SMYD4: variants seen among roughly 807,000 people sequenced by gnomAD.
SMYD4 encodes SET and MYND domain containing 4.
A neutral mutation model predicts 72.8 loss-of-function variants in SMYD4; 68 were observed. That is an observed-to-expected ratio of 0.93 (90% CI 0.77 to 1.14). The LOEUF (loss-of-function observed/expected upper bound fraction) is 1.14. Ranked by LOEUF, SMYD4 falls within the 50% of genes most tolerant of loss-of-function variation. The probability of loss-of-function intolerance (pLI) is 0.00; values close to 1 mark genes in which losing one functional copy is unlikely to be tolerated. For synonymous variants in SMYD4, 407 were observed against 388.6 expected, an observed-to-expected ratio of 1.05 and a Z score of -0.56; for missense variants, 984 against 1,003.7, an observed-to-expected ratio of 0.98 and a Z score of 0.27.
Position 1,799,867 on chromosome 17 carries a change from T to C in SMYD4, c.1527A>G (p.Ile509Met), listed in dbSNP as rs150834872. The change falls in exon 5 of 11, where the codon ATA (isoleucine) becomes ATG (methionine). Residue 509 changes from isoleucine (I) to methionine (M), a missense_variant. Coordinates refer to ENST00000305513, the MANE Select transcript of SMYD4 (RefSeq NM_052928.3). ...CAGGTTCCCTCTTACCTGTGTGTTGTATGGTGGTCATCGCCTGAGCGTTAC... is the reference window on the plus strand; with the variant it reads ...CAGGTTCCCTCTTACCTGTGTGTTGCATGGTGGTCATCGCCTGAGCGTTAC... ...LQCNAQAMTTIQHTGPKGSIV... is the reference protein window; with the variant it reads ...LQCNAQAMTTMQHTGPKGSIV... 2.1e-5 allele frequency: 33 copies of C among 1,599,030 alleles called. No homozygotes were observed. The highest frequency in any genetic ancestry group is 2.7e-5 in the Non-Finnish European group (32 of 1,170,588).
rs144111417 is a variant in SMYD4, at chr17:1,810,156, G to T, written c.279+1815C>A. Among the ~76,000 whole-genome samples, 198 of 152,290 alleles carry T rather than the reference G, an allele frequency of 1.3e-3. 1 individual carries two copies. The highest frequency in any genetic ancestry group is 4.3e-3 in the African/African-American group (177 of 41,558). ...TCTCATCAGACATTCAGACAAAAAT[G>T]GCATGTAGTTCAACAAGGGCTGACA... is the stretch of plus-strand genomic sequence containing the variant. On this transcript the variant is annotated intron_variant, in intron 3 of 10. Transcript: ENST00000305513.
At chr17:1,797,519 G>T (rs1470270057) in intron 5 of SMYD4, among the ~76,000 whole-genome samples, 1 of 152,206 alleles carries the variant, frequency 6.6e-6, no homozygotes, top group Non-Finnish European at 1.5e-5. Flanking sequence ...AAAGCAGGCT[G>T]AGCCAGCTCG....
intron 3 of SMYD4, among the ~76,000 whole-genome samples, chr17:1,807,569 G>A (rs1021763793): frequency 2.0e-5 from 3 of 151,810 alleles, no homozygotes; most frequent in Admixed American, 1.3e-4. Flanking sequence ...CGCCCTTTTG[G>A]CCAGGCTGGT....
chr17:1,804,409 T>G (rs1326586246), intron 4 of SMYD4: 1 of 426,406 alleles, frequency 2.3e-6, no homozygotes, highest in Non-Finnish European at 4.4e-6. Flanking sequence ...ACTCTTGACC[T>G]CAGGTGATCC....
In SMYD4 at chr17:1,800,695, T is replaced by C. The variant is rs1461587808; in HGVS notation, c.699A>G (p.Ser233=). The C allele has an allele frequency of 6.2e-7, 1 of 1,614,238 alleles. No individual in the cohort carries two copies. The highest frequency in any genetic ancestry group is 1.7e-5 in the Admixed American group (1 of 60,014). Residue 233 remains serine (S), a synonymous_variant, in exon 5 of 11, where the codon TCA becomes TCG. Transcript: ENST00000305513. ...EENEQLSNAS[S]SIGLCVDPLK... ...AAGGATCTACGCATAAGCCGATGGA[T>C]GATGAGGCATTGGAAAGTTGTTCAT... is the stretch of plus-strand genomic sequence containing the variant.
rs1280242432 is a variant in SMYD4 at position 1,781,288 on chromosome 17, A to G, written c.2413T>C (p.Ter805GlnextTer31). The change falls in exon 11 of 11, where the codon TAG (stop) becomes CAG (glutamine). Residue 805 changes from the stop codon to glutamine (Q), a stop_lost. Coordinates refer to ENST00000305513, the MANE Select transcript of SMYD4 (RefSeq NM_052928.3). ...LPPTPVGPAL[*>Q] ...TGGGTCAAAATCCTCCTGGAACCCT[A>G]CAATGCAGGCCCTACAGGGGTGGGT... 5 of 1,612,382 alleles carry G rather than the reference A, an allele frequency of 3.1e-6. No homozygotes were observed. Among genetic ancestry groups the G allele is most frequent in the East Asian group, 4.5e-5 (2 of 44,872 alleles).
intron 2 of SMYD4, among the ~76,000 whole-genome samples, chr17:1,821,834 G>A (rs1597398081): frequency 6.6e-6 from 1 of 152,060 alleles, no homozygotes; most frequent in Non-Finnish European, 1.5e-5. Flanking sequence ...GGGTGGCTGA[G>A]GCATGAGAAT....
At chr17:1,822,339 G>A (rs1016481222) in intron 2 of SMYD4, among the ~76,000 whole-genome samples, 3 of 152,132 alleles carry the variant, frequency 2.0e-5, no homozygotes, top group African/African-American at 7.2e-5. Flanking sequence ...GGGAGTTGCT[G>A]TTTTTCCTGA....
intron 8 of SMYD4, 133 bp downstream of exon 8, chr17:1,784,193 G>A (rs1908525935): frequency 2.1e-6 from 3 of 1,408,434 alleles, no homozygotes; most frequent in Non-Finnish European, 2.9e-6. Context: ...GGCCTATATA[G>A]CCATCTTGTG....
At chr17:1,813,222 T>C (rs1910426792) in intron 2 of SMYD4, among the ~76,000 whole-genome samples, 1 of 152,160 alleles carries the variant, frequency 6.6e-6, no homozygotes, top group Non-Finnish European at 1.5e-5. Context: ...TACAGGCATG[T>C]GCTACTGGGC....
At chr17:1,793,993 G>GTGTATATATATA (rs1221942467) in intron 5 of SMYD4, among the ~76,000 whole-genome samples, 1 of 93,658 alleles carries the variant, frequency 1.1e-5, no homozygotes, top group East Asian at 2.7e-4. Context: ...GCTAATTTTT[G>GTGTATATATATA]TGTATATATA....
At chr17:1,793,319 T>G (rs1044215518) in intron 5 of SMYD4, among the ~76,000 whole-genome samples, 6 of 151,714 alleles carry the variant, frequency 4.0e-5, no homozygotes, top group South Asian at 2.1e-4. Context: ...GAGGTTTTTT[T>G]GGGGGGATTG....
rs1391799066 is a variant in SMYD4 at position 1,791,111 on chromosome 17, C to T, written c.1538-3507G>A. On this transcript the variant is annotated intron_variant, in intron 5 of 10. Transcript: ENST00000305513. ...CACTGCACTCCAGCCTGGGCTGGCC[C>T]GTCTCAAAAAAAAAAAAAAAAAAAA... Among the ~76,000 whole-genome samples, 9 of 96,940 alleles carry T rather than the reference C, an allele frequency of 9.3e-5. No individual in the cohort carries two copies. In the South Asian group the frequency reaches 2.9e-3, roughly 31 times the overall value. The allele number at this position is 96,940 out of a possible 152,430, so 63.6% of individuals were successfully genotyped here.
intron 2 of SMYD4, among the ~76,000 whole-genome samples, chr17:1,826,491 C>CAAAAAAAA (rs111636314): frequency 5.8e-5 from 6 of 103,052 alleles, no homozygotes; most frequent in Non-Finnish European, 1.2e-4. Flanking sequence ...AAACTCTGTC[C>CAAAAAAAA]AAAAAAAAAA....
intron 3 of SMYD4, 23 bp from the exon 4 acceptor site, chr17:1,804,738 A>G (rs1197989262): frequency 2.3e-5 from 37 of 1,608,758 alleles, no homozygotes; most frequent in Admixed American, 2.2e-4. Flanking sequence ...GAACTGGTTA[A>G]AAGTATAAAT....
intron 3 of SMYD4, among the ~76,000 whole-genome samples, chr17:1,806,168 G>A (rs910141756): frequency 1.3e-5 from 2 of 151,852 alleles, no homozygotes; most frequent in Admixed American, 6.6e-5. Context: ...CTCGTGATCC[G>A]CTCGCCTCGG....
rs777835812 is a variant in SMYD4 at position 1,800,834 on chromosome 17, A to C, written c.560T>G (p.Leu187Arg). The C allele has an allele frequency of 1.9e-6, 3 of 1,614,218 alleles. No individual in the cohort carries two copies. Among genetic ancestry groups the C allele is most frequent in the Non-Finnish European group, 2.5e-6 (3 of 1,180,038 alleles). ...TTTCAGACGATGGAGGTTTCTCTGCAGAGTCTGAGGGAGGACATCTGCTAG... is the reference window on the plus strand; with the variant it reads ...TTTCAGACGATGGAGGTTTCTCTGCCGAGTCTGAGGGAGGACATCTGCTAG... ...PALADVLPQT[L>R]QRNLHRLKMK... The change falls in exon 5 of 11, where the codon CTG (leucine) becomes CGG (arginine). Residue 187 changes from leucine to arginine, a missense_variant. By Grantham distance (102) the Leu-to-Arg change is moderately radical. Coordinates refer to ENST00000305513, the MANE Select transcript of SMYD4 (RefSeq NM_052928.3).
rs1789096837 is a variant in SMYD4, at chr17:1,795,654, C to T, written c.1537+4203G>A. On this transcript the variant is annotated intron_variant, in intron 5 of 10. Coordinates refer to ENST00000305513, the MANE Select transcript of SMYD4 (RefSeq NM_052928.3). ...GACGGGTTTCACCATGTTGGCCAGG[C>T]TGGTCTCGAACTCCTGACCTCAGGT... 3.3e-5 allele frequency among the ~76,000 whole-genome samples: 5 copies of T among 151,624 alleles called. No homozygotes were observed. The South Asian group carries it at 1.0e-3, about 32-fold the overall frequency.
intron 2 of SMYD4, among the ~76,000 whole-genome samples, chr17:1,820,136 A>C (rs1227807995): frequency 6.6e-6 from 1 of 152,128 alleles, no homozygotes; most frequent in Non-Finnish European, 1.5e-5. Context: ...ACCACCATGG[A>C]CTTAAACAAT....
Sources: allele counts gnomAD v4.1 joint callset (sites outside exome capture counted in the v4.1 genomes callset), GRCh38; gene constraint gnomAD v4.1.1; transcripts MANE v1.5; gene names NCBI Gene and HGNC (gene_info 2026-07-23, HGNC 2026-07-21).